The following GULP1 variants were observed in gnomAD, a reference collection of about 807,000 sequenced individuals.
GULP1 encodes the protein GULP PTB domain containing engulfment adaptor 1.
GULP1 carries 19 observed loss-of-function variants against 40.9 expected under a neutral mutation model. That is an observed-to-expected ratio of 0.46 (90% confidence interval 0.32 to 0.68). The LOEUF (loss-of-function observed/expected upper bound fraction) is 0.68, where lower values mean the gene tolerates loss of function less well. Among genes scored for constraint, GULP1 ranks in the 30% least tolerant of loss-of-function variants. The probability of loss-of-function intolerance (pLI) is 0.03; values close to 1 mark genes in which losing one functional copy is unlikely to be tolerated. For missense variants in GULP1, 312 were observed against 362.2 expected (o/e 0.86, Z 1.12); for synonymous variants, 119 against 117.6 (o/e 1.01, Z -0.08).
At chr2:188,554,502 A>C (rs1694265441) in intron 7 of GULP1, among the ~76,000 whole-genome samples, 1 of 151,210 alleles carries the variant, frequency 6.6e-6, no homozygotes, top group Admixed American at 6.6e-5. Flanking sequence ...GTCTGAGGGG[A>C]TAGTAGAAAT....
At chr2:188,421,476 T>TA (rs2055401163) in intron 2 of GULP1, among the ~76,000 whole-genome samples, 1 of 152,160 alleles carries the variant, frequency 6.6e-6, no homozygotes, top group Admixed American at 6.5e-5. Flanking sequence ...ATTTCAGAAA[T>TA]AAAAAAATGA....
chr2:188,299,760 A>G (rs1308662713), intron 1 of GULP1, among the ~76,000 whole-genome samples: 1 of 152,142 alleles, frequency 6.6e-6, no homozygotes, highest in Non-Finnish European at 1.5e-5. Flanking sequence ...GCGGGTATTC[A>G]CCAGTGTGAA....
At chr2:188,374,157 A>G (rs1434858033) in intron 1 of GULP1, among the ~76,000 whole-genome samples, 2 of 152,082 alleles carry the variant, frequency 1.3e-5, no homozygotes, top group Non-Finnish European at 2.9e-5. Context: ...AACAATAACA[A>G]ATGTCTTTAA....
At chr2:188,325,010 T>TA (rs1236076303) in intron 1 of GULP1, among the ~76,000 whole-genome samples, 1 of 151,912 alleles carries the variant, frequency 6.6e-6, no homozygotes, top group Non-Finnish European at 1.5e-5. Flanking sequence ...AAAATAAAGA[T>TA]ATTTTCAGAC....
intron 1 of GULP1, among the ~76,000 whole-genome samples, chr2:188,377,700 C>A (rs928183628): frequency 2.6e-5 from 4 of 151,984 alleles, no homozygotes; most frequent in Non-Finnish European, 5.9e-5. Context: ...CAATAAAAAT[C>A]GAGAATAGGA....
chr2:188,331,490 A>G (rs191696234), intron 1 of GULP1, among the ~76,000 whole-genome samples: 3 of 152,350 alleles, frequency 2.0e-5, no homozygotes, highest in African/African-American at 7.2e-5. Context: ...TAGAGCATTA[A>G]GTTGAATATT....
chr2:188,520,764 C>T (rs540008784), intron 4 of GULP1, among the ~76,000 whole-genome samples: 227 of 152,108 alleles, frequency 1.5e-3, no homozygotes, highest in Admixed American at 2.4e-3. Context: ...GAGTCACTTG[C>T]AATGCTTCCA....
intron 2 of GULP1, among the ~76,000 whole-genome samples, chr2:188,392,247 C>T (rs113813490): frequency 2.9e-4 from 44 of 151,936 alleles, no homozygotes; most frequent in African/African-American, 1.0e-3. Context: ...TTATTGTTGG[C>T]AGTTTTTGTT....
chr2:188,343,620 G>A (rs1240391489), intron 1 of GULP1, among the ~76,000 whole-genome samples: 1 of 152,070 alleles, frequency 6.6e-6, no homozygotes, highest in African/African-American at 2.4e-5. Context: ...TCTAAATTAA[G>A]GCTTTTCTTT....
chr2:188,502,751 G>C (rs2063548567), intron 4 of GULP1, among the ~76,000 whole-genome samples: 1 of 151,914 alleles, frequency 6.6e-6, no homozygotes, highest in African/African-American at 2.4e-5. Flanking sequence ...TTCCTAGAAA[G>C]TCTCTTAGTC....
intron 2 of GULP1, among the ~76,000 whole-genome samples, chr2:188,402,126 C>T (rs543293864): frequency 6.6e-6 from 1 of 152,124 alleles, no homozygotes; most frequent in South Asian, 2.1e-4. Flanking sequence ...GCGTTTAAAA[C>T]ACTCACATCA....
intron 1 of GULP1, among the ~76,000 whole-genome samples, chr2:188,368,330 C>G (rs903045479): frequency 6.6e-6 from 1 of 152,164 alleles, no homozygotes; most frequent in African/African-American, 2.4e-5. Flanking sequence ...GCCTTTAATC[C>G]TGGCACTTTG....
At chr2:188,587,444 T>C (rs1458115704) in intron 10 of GULP1, among the ~76,000 whole-genome samples, 2 of 152,118 alleles carry the variant, frequency 1.3e-5, no homozygotes, top group African/African-American at 4.8e-5. Context: ...GTCCTACATA[T>C]TGCTTTACTA....
chr2:188,582,355 G>A, intron 9 of GULP1: 1 of 471,056 alleles, frequency 2.1e-6, no homozygotes, highest in Non-Finnish European at 4.4e-6. Context: ...TGCACAATAT[G>A]TCTGATCATG....
intron 2 of GULP1, among the ~76,000 whole-genome samples, chr2:188,393,687 A>G (rs1372122358): frequency 6.6e-6 from 1 of 152,106 alleles, no homozygotes; most frequent in Non-Finnish European, 1.5e-5. Flanking sequence ...TATGCTTTCA[A>G]GAGATTCTGT....
intron 10 of GULP1, 22 bp downstream of exon 10, chr2:188,584,425 A>C: frequency 6.7e-7 from 1 of 1,482,350 alleles, no homozygotes; most frequent in South Asian, 1.4e-5. Flanking sequence ...CAACAAATCA[A>C]AGTTTCTTGT....
In GULP1 at chr2:188,529,191, C is replaced by A. The variant is rs1168781199; in HGVS notation, c.257C>A (p.Thr86Lys). 1.4e-5 allele frequency: 20 copies of A among 1,436,964 alleles called. No individual in the cohort carries two copies. The highest frequency in any genetic ancestry group is 1.9e-5 in the Non-Finnish European group (20 of 1,033,598). 89.0% of individuals were successfully genotyped at this position (1,436,964 alleles called of 1,614,324 possible). A position where few individuals can be genotyped will look rare whatever the true frequency, so the allele number is the denominator to read the frequency against. The change falls in exon 6 of 12, where the codon ACA becomes AAA. Residue 86 changes from threonine to lysine, a missense_variant. Physicochemically the swap from Thr to Lys is moderately conservative, Grantham distance 78 (BLOSUM62 -1). Transcript: ENST00000409830. ...GGAGTAAAAATTCTAGAACCCAAAA[C>A]AAAGGTAAGGCTTTTTTTTTAATGT... Reference protein sequence around the residue: ...IYGVKILEPKTKEVQHNCQLH... With the variant: ...IYGVKILEPKKKEVQHNCQLH...
chr2:188,344,771 C>G (rs557022802), intron 1 of GULP1, among the ~76,000 whole-genome samples: 1 of 152,276 alleles, frequency 6.6e-6, no homozygotes, highest in East Asian at 1.9e-4. Context: ...GTAGATGTGA[C>G]ACTCTTGGAT....
intron 3 of GULP1, among the ~76,000 whole-genome samples, chr2:188,482,352 A>G (rs767188806): frequency 6.6e-6 from 1 of 151,948 alleles, no homozygotes; most frequent in Non-Finnish European, 1.5e-5. Context: ...ATCCAAATTT[A>G]ATGTTGAAAC....
Sources: allele counts gnomAD v4.1 joint callset (sites outside exome capture counted in the v4.1 genomes callset), GRCh38; gene constraint gnomAD v4.1.1; transcripts MANE v1.5; gene names NCBI Gene and HGNC (gene_info 2026-07-23, HGNC 2026-07-21).